Variants in PLAA observed in about 807,000 individuals in gnomAD.
PLAA encodes phospholipase A2 activating protein.
A neutral mutation model predicts 84.1 loss-of-function variants in PLAA; 48 were observed. The ratio of observed to expected loss-of-function variants is 0.57; its 90% confidence interval spans 0.45 to 0.73. PLAA has a LOEUF of 0.73. PLAA is among the 30% of genes least tolerant of loss of function. The pLI is 0.00. For missense variants in PLAA, 903 were observed against 954.7 expected, an observed-to-expected ratio of 0.95 and a Z score of 0.71; for synonymous variants, 392 against 336.6, an observed-to-expected ratio of 1.16 and a Z score of -1.80.
intron 1 of PLAA, among the ~76,000 whole-genome samples, chr9:26,945,103 G>T (rs1033518080): frequency 1.6e-4 from 25 of 152,052 alleles, no homozygotes; most frequent in African/African-American, 6.0e-4. Context: ...CTCCAGCCTG[G>T]GCAACAAGAG....
At chr9:26,943,326 C>G (rs1825597899) in intron 1 of PLAA, among the ~76,000 whole-genome samples, 1 of 152,146 alleles carries the variant, frequency 6.6e-6, no homozygotes, top group East Asian at 1.9e-4. Flanking sequence ...CTGGTTTAGT[C>G]TACTCTAAAA....
At position 26,903,696 on chromosome 9, in the gene PLAA, A is replaced by C. The variant is rs1824147599; in HGVS notation, c.*1815T>G. On this transcript the variant is annotated 3_prime_UTR_variant, in exon 14 of 14. Transcript: ENST00000397292. Reference sequence around the variant, plus strand: ...ATTAAATTATTTAACATATCCTTCAAGTGAGATTGTTTCCTTTTGCTAAGC... The same window carrying C: ...ATTAAATTATTTAACATATCCTTCACGTGAGATTGTTTCCTTTTGCTAAGC... 2.0e-5 allele frequency among the ~76,000 whole-genome samples: 3 copies of C among 152,276 alleles called. No individual in the cohort carries two copies. The highest frequency in any genetic ancestry group is 3.4e-3 in the Middle Eastern group (1 of 294).
chr9:26,905,345 G>A lies in PLAA; in HGVS notation c.*166C>T. The A allele has an allele frequency of 1.7e-6, 1 of 600,462 alleles. No individual in the cohort carries two copies. The highest frequency in any genetic ancestry group is 2.9e-6 in the Non-Finnish European group (1 of 343,714). 37.2% of individuals were successfully genotyped at this position (600,462 alleles called of 1,614,324 possible). ...TTACACAGGAAAATCTCACAGTTCA[G>A]CAGTGCAAAAATTTTATTTCTGTTT... On this transcript the variant is annotated 3_prime_UTR_variant, in exon 14 of 14. Transcript: ENST00000397292.
At chr9:26,907,036 GA>G (rs59918176) in intron 13 of PLAA, among the ~76,000 whole-genome samples, 905 of 90,452 alleles carry the variant, frequency 0.01, 6 homozygotes, top group African/African-American at 0.021. Flanking sequence ...ACATTTTATT[GA>G]AAAAAAAAAA....
At position 26,913,433 on chromosome 9, in the gene PLAA, A is replaced by C. The variant is rs774282655; in HGVS notation, c.1555+446T>G. On this transcript the variant is annotated intron_variant, in intron 11 of 13. Transcript: ENST00000397292. ...GCAAATTCTTTCCTGAGTCTTCTTA[A>C]AGAGAACAATGTATAATCCAGTGAA... is the stretch of plus-strand genomic sequence containing the variant. 1.2e-3 allele frequency among the ~76,000 whole-genome samples: 189 copies of C among 152,324 alleles called. 1 individual carries two copies. The highest frequency in any genetic ancestry group is 2.4e-3 in the Non-Finnish European group (161 of 68,028).
chr9:26,903,859 TTTC>T lies in PLAA; in HGVS notation c.*1649_*1651del, dbSNP rs1397904161. ...GAACTCATATTCTTAACCAAGACTG[TTTC>T]TTATCATTATTCAAAGGTACCTACT... On this transcript the variant is annotated 3_prime_UTR_variant, in exon 14 of 14. Transcript: ENST00000397292. 1.3e-5 allele frequency among the ~76,000 whole-genome samples: 2 copies of T among 152,208 alleles called. No homozygotes were observed. Among genetic ancestry groups the T allele is most frequent in the Admixed American group, 1.3e-4 (2 of 15,282 alleles).
At chr9:26,910,598 G>A (rs1824369716) in intron 11 of PLAA, among the ~76,000 whole-genome samples, 159 bp from the exon 12 acceptor site, 1 of 151,952 alleles carries the variant, frequency 6.6e-6, no homozygotes. Context: ...AAAATATTTT[G>A]TATAATTTAT....
At chr9:26,917,670 C>T (rs1044354800) in intron 9 of PLAA, among the ~76,000 whole-genome samples, 7 of 152,138 alleles carry the variant, frequency 4.6e-5, no homozygotes, top group African/African-American at 1.2e-4. Context: ...AGCTTACAAC[C>T]TACTGGAGAA....
intron 9 of PLAA, among the ~76,000 whole-genome samples, chr9:26,917,834 T>G (rs1362285074): frequency 2.0e-5 from 3 of 151,888 alleles, no homozygotes; most frequent in Non-Finnish European, 4.4e-5. Flanking sequence ...CAAAAAACAG[T>G]AAGGATGCTG....
At chr9:26,914,591 AAGT>A (rs1043716758) in intron 10 of PLAA, among the ~76,000 whole-genome samples, 9 of 151,660 alleles carry the variant, frequency 5.9e-5, no homozygotes, top group East Asian at 1.9e-4. Context: ...AAAAAAAAAA[AAGT>A]AAGATTAATT....
intron 1 of PLAA, among the ~76,000 whole-genome samples, chr9:26,937,982 T>G (rs1256960460): frequency 6.6e-6 from 1 of 152,018 alleles, no homozygotes; most frequent in Non-Finnish European, 1.5e-5. Flanking sequence ...AGAGAATATC[T>G]GAAGAAATAA....
At position 26,908,068 on chromosome 9, in the gene PLAA, C is replaced by T. The variant is rs1824290444; in HGVS notation, c.1658-70G>A. 2.1e-5 allele frequency: 25 copies of T among 1,212,004 alleles called. No homozygotes were observed. In the South Asian group the frequency reaches 3.5e-4, roughly 17 times the overall value. 75.1% of individuals were successfully genotyped at this position (1,212,004 alleles called of 1,614,324 possible). On this transcript the variant is annotated intron_variant, in intron 12 of 13. Transcript: ENST00000397292. ...GCCAGATAATATATAAATGCCAAGA[C>T]TTTCAATAAAAGTACTCTAGTGTAC... is the stretch of plus-strand genomic sequence containing the variant.
intron 1 of PLAA, among the ~76,000 whole-genome samples, chr9:26,940,615 G>A (rs1430078819): frequency 6.6e-6 from 1 of 152,164 alleles, no homozygotes; most frequent in Non-Finnish European, 1.5e-5. Context: ...CCATTGAACT[G>A]TACAGTTTAA....
intron 10 of PLAA, chr9:26,916,464 T>C (rs1036382711): frequency 2.0e-6 from 2 of 987,016 alleles, no homozygotes; most frequent in Middle Eastern, 5.2e-4. Context: ...TTTGAAGAGA[T>C]ACACCAACAC....
At chr9:26,935,813 C>T (rs1825339722) in intron 1 of PLAA, among the ~76,000 whole-genome samples, 1 of 151,094 alleles carries the variant, frequency 6.6e-6, no homozygotes, top group Non-Finnish European at 1.5e-5. Flanking sequence ...ACAAAAAAAC[C>T]CCACCTAATA....
intron 13 of PLAA, among the ~76,000 whole-genome samples, chr9:26,906,484 A>G (rs113907515): frequency 0.049 from 7,146 of 146,414 alleles, 208 homozygotes; most frequent in South Asian, 0.093. Context: ...CTGGATTGCA[A>G]TGGCATGATC....
chr9:26,947,192 A>C lies in PLAA; in HGVS notation c.-147T>G. 1 of 979,162 alleles carries C rather than the reference A, an allele frequency of 1.0e-6. No individual in the cohort carries two copies. The highest frequency in any genetic ancestry group is 1.4e-6 in the Non-Finnish European group (1 of 704,590). 60.7% of individuals were successfully genotyped at this position (979,162 alleles called of 1,614,324 possible). On this transcript the variant is annotated 5_prime_UTR_variant, in exon 1 of 14. Coordinates refer to ENST00000397292, the MANE Select transcript of PLAA (RefSeq NM_001031689.3). ...GGAAGAGCCCGAGAGCCGGTACGGAAGGGCGGCTGGGAAGGGGCGCGCCGA... is the reference window on the plus strand; with the variant it reads ...GGAAGAGCCCGAGAGCCGGTACGGACGGGCGGCTGGGAAGGGGCGCGCCGA...
intron 1 of PLAA, 79 bp downstream of exon 1, chr9:26,946,818 T>C (rs1390607510): frequency 6.9e-7 from 1 of 1,445,500 alleles, no homozygotes; most frequent in East Asian, 2.6e-5. Context: ...ACGGCAGGAC[T>C]GACAGGGAAG....
chr9:26,933,060 G>A (rs947726412), intron 2 of PLAA, among the ~76,000 whole-genome samples: 2 of 152,110 alleles, frequency 1.3e-5, no homozygotes, highest in Non-Finnish European at 2.9e-5. Flanking sequence ...ACAAGGTCAA[G>A]AGATCGACAC....
Sources: allele counts gnomAD v4.1 joint callset (sites outside exome capture counted in the v4.1 genomes callset), GRCh38; gene constraint gnomAD v4.1.1; transcripts MANE v1.5; gene names NCBI Gene and HGNC (gene_info 2026-07-23, HGNC 2026-07-21).